Variants in CEP63 observed in about 807,000 individuals in gnomAD.
The protein encoded by CEP63 is centrosomal protein of 63 kDa.
CEP63 carries 84 observed loss-of-function variants against 89.1 expected under a neutral mutation model. That is an observed-to-expected ratio of 0.94 (90% CI 0.79 to 1.13). The LOEUF is 1.13. CEP63 is among the 50% of genes most tolerant of loss of function. CEP63 has a pLI of 0.00. For synonymous variants in CEP63, 267 were observed against 272.5 expected (o/e 0.98, Z 0.20); for missense variants, 838 against 813.3 (o/e 1.03, Z -0.37).
chr3:134,657,369 G>A, the CEP63 span, among the ~76,000 whole-genome samples: 1 of 152,110 alleles, frequency 6.6e-6, no homozygotes, highest in Non-Finnish European at 1.5e-5. Flanking sequence ...CGGAGACACA[G>A]CCAAACCATA....
chr3:134,719,055 A>G, the CEP63 span, among the ~76,000 whole-genome samples: 1 of 152,176 alleles, frequency 6.6e-6, no homozygotes, highest in Non-Finnish European at 1.5e-5. Flanking sequence ...TTCTTCATTC[A>G]CTAACTGTGC....
the CEP63 span, among the ~76,000 whole-genome samples, chr3:134,641,434 A>C: frequency 6.6e-6 from 1 of 152,182 alleles, no homozygotes; most frequent in Non-Finnish European, 1.5e-5. Flanking sequence ...GCTATTTATA[A>C]GCAGAGAAGG....
the CEP63 span, among the ~76,000 whole-genome samples, chr3:134,769,715 G>T: frequency 6.6e-6 from 1 of 152,218 alleles, no homozygotes; most frequent in Non-Finnish European, 1.5e-5. Flanking sequence ...CCAGGAAGCT[G>T]TATGCACTGC....
In CEP63 at chr3:134,558,335, A is replaced by G; in HGVS notation, c.1661A>G (p.Asn554Ser). Residue 554 changes from asparagine (N) to serine (S), a missense_variant, in exon 13 of 15, where the codon AAT (asparagine) becomes AGT (serine). Coordinates refer to ENST00000675561, the MANE Select transcript of CEP63 (RefSeq NM_001353108.3). Reference sequence around the variant, plus strand: ...CACAGCAGAACAACTGAGTTCAAGAATACAGAGTTCAAGTAAAATTTTTTA... The same window carrying G: ...CACAGCAGAACAACTGAGTTCAAGAGTACAGAGTTCAAGTAAAATTTTTTA... ...PTHSRTTEFK[N>S]TEFKPTHGQH... 6.2e-7 allele frequency: 1 copy of G among 1,609,906 alleles called. No homozygotes were observed. The highest frequency in any genetic ancestry group is 8.5e-7 in the Non-Finnish European group (1 of 1,178,022).
chr3:134,625,016 T>C, the CEP63 span: 2 of 1,552,868 alleles, frequency 1.3e-6, no homozygotes, highest in Admixed American at 1.9e-5. Context: ...TAAGCCACCT[T>C]GAAGGGGCCC....
Position 134,546,206 on chromosome 3 carries a change from A to G in CEP63, c.847A>G (p.Ile283Val). 1.9e-6 allele frequency: 3 copies of G among 1,613,704 alleles called. No individual in the cohort carries two copies. The highest frequency in any genetic ancestry group is 2.5e-6 in the Non-Finnish European group (3 of 1,179,670). The change falls in exon 8 of 15, where the codon ATA (isoleucine) becomes GTA (valine). Residue 283 changes from isoleucine (I) to valine (V), a missense_variant. Transcript: ENST00000675561. ...AGCTCTTCAGTCTCAAGAAAATCTC[A>G]TACATGAGGCCAGAATACAAAAGGA... ...KAALQSQENL[I>V]HEARIQKEKL...
At chr3:134,703,604 A>G in the CEP63 span, among the ~76,000 whole-genome samples, 1 of 151,756 alleles carries the variant, frequency 6.6e-6, no homozygotes, top group Non-Finnish European at 1.5e-5. Context: ...GCCGGGGGGA[A>G]CAGTACACAC....
At chr3:134,581,693 T>TTTTTTTTTTTTTTA (rs1958352819) in intron 10 of CEP63, among the ~76,000 whole-genome samples, 1 of 143,992 alleles carries the variant, frequency 6.9e-6, no homozygotes, top group African/African-American at 2.6e-5. Flanking sequence ...TTTTTTTTTT[T>TTTTTTTTTTTTTTA]GAGACGGAGT....
At chr3:134,739,185 C>A in the CEP63 span, among the ~76,000 whole-genome samples, 23,387 of 152,066 alleles carry the variant, frequency 0.15, 2,034 homozygotes, top group Middle Eastern at 0.23. Context: ...AAAATGTATA[C>A]AAGGATGTTC....
the CEP63 span, among the ~76,000 whole-genome samples, chr3:134,621,173 A>G: frequency 6.6e-6 from 1 of 152,168 alleles, no homozygotes; most frequent in Non-Finnish European, 1.5e-5. Flanking sequence ...ATTTAACATA[A>G]TCCTTATCAA....
chr3:134,776,405 T>G, the CEP63 span, among the ~76,000 whole-genome samples: 2 of 113,172 alleles, frequency 1.8e-5, no homozygotes, highest in African/African-American at 6.1e-5. Context: ...AGATACTTAA[T>G]TTTTTTTTCA....
At chr3:134,656,019 G>A in the CEP63 span, among the ~76,000 whole-genome samples, 1 of 152,172 alleles carries the variant, frequency 6.6e-6, no homozygotes, top group Non-Finnish European at 1.5e-5. Context: ...TCTGGGGTGA[G>A]GATGGTTACA....
chr3:134,669,295 T>C, the CEP63 span, among the ~76,000 whole-genome samples: 7 of 152,198 alleles, frequency 4.6e-5, no homozygotes, highest in Admixed American at 4.6e-4. Flanking sequence ...CCAAAGGTGC[T>C]GAGATTACAG....
chr3:134,523,345 A>G (rs1275954543), intron 3 of CEP63, among the ~76,000 whole-genome samples: 2 of 152,040 alleles, frequency 1.3e-5, no homozygotes, highest in African/African-American at 4.8e-5. Flanking sequence ...TCCATTCTAT[A>G]TGTTGTTCAC....
the CEP63 span, among the ~76,000 whole-genome samples, chr3:134,653,522 T>G: frequency 1.3e-5 from 2 of 152,324 alleles, no homozygotes; most frequent in Non-Finnish European, 2.9e-5. Flanking sequence ...GATGCTCTTC[T>G]TAATGCCAAC....
downstream of CEP63, among the ~76,000 whole-genome samples, chr3:134,576,255 G>T (rs1408579483): frequency 6.6e-6 from 1 of 152,052 alleles, no homozygotes; most frequent in East Asian, 1.9e-4. Context: ...AATTTATTTT[G>T]ATTAATGCTT....
At chr3:134,602,868 T>G in the CEP63 span, among the ~76,000 whole-genome samples, 1 of 152,360 alleles carries the variant, frequency 6.6e-6, no homozygotes, top group African/African-American at 2.4e-5. Context: ...GGGCTGCTCT[T>G]TGCTTTGCAG....
At chr3:134,716,385 C>T in the CEP63 span, among the ~76,000 whole-genome samples, 115 of 152,316 alleles carry the variant, frequency 7.6e-4, no homozygotes, top group African/African-American at 2.6e-3. Flanking sequence ...CTCTTTCTGA[C>T]ATCATAGTCC....
chr3:134,674,611 C>T, the CEP63 span, among the ~76,000 whole-genome samples: 1 of 152,078 alleles, frequency 6.6e-6, no homozygotes, highest in Non-Finnish European at 1.5e-5. Flanking sequence ...AAACAAAAGG[C>T]ATCCAAATTG....
Sources: allele counts gnomAD v4.1 joint callset (sites outside exome capture counted in the v4.1 genomes callset), GRCh38; gene constraint gnomAD v4.1.1; transcripts MANE v1.5; gene names NCBI Gene and HGNC (gene_info 2026-07-23, HGNC 2026-07-21).